Variants in CNTNAP3 observed in about 807,000 individuals in gnomAD.
CNTNAP3 encodes contactin-associated protein-like 3.
A neutral mutation model predicts 92.1 loss-of-function variants in CNTNAP3; 36 were observed. The ratio of observed to expected loss-of-function variants is 0.39; its 90% CI spans 0.30 to 0.52. CNTNAP3 has a LOEUF of 0.52. CNTNAP3 is among the 20% of genes least tolerant of loss of function. The pLI, the probability that CNTNAP3 is intolerant of heterozygous loss-of-function variation, is 0.76. For synonymous variants in CNTNAP3, 232 were observed against 422.3 expected (o/e 0.55, Z 5.53); for missense variants, 534 against 1,069.6 (o/e 0.50, Z 6.98).
chr9:39,138,031 T>C (rs1821484379), intron 12 of CNTNAP3, among the ~76,000 whole-genome samples: 1 of 150,278 alleles, frequency 6.7e-6, no homozygotes, highest in Non-Finnish European at 1.5e-5. Context: ...TTTTTTGTTG[T>C]TGTTGTTGTC....
intron 12 of CNTNAP3, among the ~76,000 whole-genome samples, chr9:39,139,541 C>T (rs1365889310): frequency 5.3e-5 from 8 of 152,136 alleles, no homozygotes; most frequent in African/African-American, 2.4e-5. Flanking sequence ...TTCCTTGATG[C>T]TTGCTGACCC....
intron 14 of CNTNAP3, among the ~76,000 whole-genome samples, chr9:39,113,983 CAT>C (rs780970791): frequency 1.4e-5 from 2 of 144,126 alleles, no homozygotes; most frequent in African/African-American, 2.6e-5. Flanking sequence ...TACACACACA[CAT>C]ATATATACAC....
intron 14 of CNTNAP3, among the ~76,000 whole-genome samples, chr9:39,113,115 T>C (rs1820751542): frequency 6.6e-6 from 1 of 152,136 alleles, no homozygotes; most frequent in Admixed American, 6.5e-5. Flanking sequence ...AGCAGCACCC[T>C]GATTTCTAAT....
chr9:39,110,973 A>G (rs1826733776), intron 14 of CNTNAP3, among the ~76,000 whole-genome samples: 1 of 152,120 alleles, frequency 6.6e-6, no homozygotes, highest in Non-Finnish European at 1.5e-5. Flanking sequence ...TTGTGGCAAA[A>G]GATCACAATA....
rs35344011 is a variant in CNTNAP3 at position 39,119,355 on chromosome 9, C to CAAAAAA, written c.2081-1102_2081-1097dup. Among the ~76,000 whole-genome samples, 309 of 101,220 alleles carry CAAAAAA rather than the reference C, an allele frequency of 3.1e-3. 2 individuals carry two copies. The highest frequency in any genetic ancestry group is 9.9e-3 in the African/African-American group (283 of 28,522). 66.4% of individuals were successfully genotyped at this position (101,220 alleles called of 152,430 possible). A position where few individuals can be genotyped will look rare whatever the true frequency, so the allele number is the denominator to read the frequency against. ...CACTATCCATCACCTGCCCCTCTGC[C>CAAAAAA]AAAAAAAAAAAAAAAAAGGCAATCT... is the stretch of plus-strand genomic sequence containing the variant. On this transcript the variant is annotated intron_variant, in intron 13 of 23. Transcript: ENST00000297668.
intron 13 of CNTNAP3, among the ~76,000 whole-genome samples, chr9:39,131,731 CA>C (rs748608405): frequency 1.9e-4 from 29 of 152,136 alleles, no homozygotes; most frequent in Admixed American, 1.2e-3. Context: ...GAGGCTGAGG[CA>C]GGAGAATCGC....
At chr9:39,127,064 C>G (rs147002162) in intron 13 of CNTNAP3, among the ~76,000 whole-genome samples, 5,839 of 152,006 alleles carry the variant, frequency 0.038, 162 homozygotes, top group Non-Finnish European at 0.061. Context: ...AGTATATTCT[C>G]TAAGCATAAT....
chr9:39,129,342 A>G (rs1188166709), intron 13 of CNTNAP3, among the ~76,000 whole-genome samples: 1 of 152,204 alleles, frequency 6.6e-6, no homozygotes, highest in Admixed American at 6.5e-5. Flanking sequence ...AAGTTCAACC[A>G]ATTTTTAACA....
At chr9:39,076,634 A>G (rs917465911) in intron 23 of CNTNAP3, among the ~76,000 whole-genome samples, 113 of 152,268 alleles carry the variant, frequency 7.4e-4, no homozygotes, top group African/African-American at 2.6e-3. Context: ...TTACTCTTGT[A>G]TGTGCTATGG....
intron 13 of CNTNAP3, among the ~76,000 whole-genome samples, chr9:39,123,336 C>T (rs1303750741): frequency 2.0e-4 from 31 of 152,024 alleles, no homozygotes; most frequent in South Asian, 4.2e-4. Flanking sequence ...ACTTGTGATC[C>T]GCCCGCCTCG....
intron 13 of CNTNAP3, among the ~76,000 whole-genome samples, chr9:39,130,609 A>G (rs1367937111): frequency 6.8e-6 from 1 of 146,828 alleles, no homozygotes; most frequent in African/African-American, 2.5e-5. Context: ...GGTTCACGCC[A>G]TTCTCCTGCC....
chr9:39,099,285 CAGA>C (rs1826397085), intron 18 of CNTNAP3, among the ~76,000 whole-genome samples: 1 of 152,142 alleles, frequency 6.6e-6, no homozygotes, highest in Admixed American at 6.5e-5. Flanking sequence ...TGTACCTGAG[CAGA>C]AGCTGTGTGA....
chr9:39,077,225 AG>A (rs1179332424), intron 23 of CNTNAP3, among the ~76,000 whole-genome samples: 15 of 152,202 alleles, frequency 9.9e-5, no homozygotes. Flanking sequence ...CCTTAATGAC[AG>A]GGAATTATAC....
intron 13 of CNTNAP3, among the ~76,000 whole-genome samples, chr9:39,127,532 CAG>C (rs3882737): frequency 6.6e-6 from 1 of 152,086 alleles, no homozygotes; most frequent in African/African-American, 2.4e-5. Context: ...TCAAGACTGA[CAG>C]AGACAAAAAC....
chr9:39,076,942 C>G (rs958699034), intron 23 of CNTNAP3, among the ~76,000 whole-genome samples: 2 of 151,786 alleles, frequency 1.3e-5, no homozygotes, highest in Non-Finnish European at 2.9e-5. Context: ...TTGCGACGAG[C>G]GAGACTCCCT....
At chr9:39,105,309 C>T (rs1402505153) in intron 15 of CNTNAP3, among the ~76,000 whole-genome samples, 5 of 152,100 alleles carry the variant, frequency 3.3e-5, no homozygotes, top group Admixed American at 3.3e-4. Flanking sequence ...TGCCTGTAGT[C>T]CCAGCTACTC....
At chr9:39,124,595 T>C (rs1451825453) in intron 13 of CNTNAP3, among the ~76,000 whole-genome samples, 2 of 151,866 alleles carry the variant, frequency 1.3e-5, no homozygotes, top group Non-Finnish European at 2.9e-5. Context: ...TGGGAGAAAA[T>C]TTTTGAAATC....
At chr9:39,088,934 C>A (rs1430974572) in intron 18 of CNTNAP3, among the ~76,000 whole-genome samples, 3 of 152,178 alleles carry the variant, frequency 2.0e-5, no homozygotes, top group African/African-American at 2.4e-5. Flanking sequence ...ATAACTAATT[C>A]TTCAGTATAA....
Position 39,068,120 on chromosome 9 carries a change from G to A in CNTNAP3, c.*5770C>T, listed in dbSNP as rs879144148. ...GCATGTGCGATATTAAAATTTCAGG[G>A]CGGGCGCAGTGGCTTACGCCTGTGA... On this transcript the variant is annotated 3_prime_UTR_variant, in exon 24 of 24. Transcript: ENST00000297668. 2.6e-5 allele frequency among the ~76,000 whole-genome samples: 4 copies of A among 152,244 alleles called. No homozygotes were observed. The highest frequency in any genetic ancestry group is 5.9e-5 in the Non-Finnish European group (4 of 68,038).
Sources: gnomAD v4.1 joint callset for allele counts (sites outside exome capture counted in the v4.1 genomes callset) on GRCh38, gnomAD v4.1.1 for gene constraint, MANE v1.5 for transcripts, NCBI Gene and HGNC (gene_info 2026-07-23, HGNC 2026-07-21) for gene names.